The following CDH4 variants were observed in gnomAD, a reference collection of about 807,000 sequenced individuals.
CDH4 encodes the protein cadherin-4.
Under a neutral mutation model 86.0 loss-of-function variants are expected in CDH4, and 33 were observed. The observed-to-expected ratio is 0.38, with a 90% CI of 0.29 to 0.51. The LOEUF is 0.51. Among genes scored for constraint, CDH4 ranks in the 20% least tolerant of loss-of-function variants. CDH4 has a pLI of 0.86. For missense variants in CDH4, 1,114 were observed against 1,307.4 expected (o/e 0.85, Z 2.28); for synonymous variants, 555 against 549.4 (o/e 1.01, Z -0.14).
chr20:61,505,759 T>G (rs1265026960), intron 2 of CDH4, among the ~76,000 whole-genome samples: 3 of 151,490 alleles, frequency 2.0e-5, no homozygotes, highest in African/African-American at 7.3e-5. Context: ...GAGTCTTCAC[T>G]CCCAGGACGC....
chr20:61,537,764 A>C (rs1053869157), intron 2 of CDH4, among the ~76,000 whole-genome samples: 8 of 152,208 alleles, frequency 5.3e-5, no homozygotes, highest in Admixed American at 5.2e-4. Flanking sequence ...GGGTCTTTCA[A>C]AGGAGAGCTT....
chr20:61,828,359 T>C lies in CDH4; in HGVS notation c.577-16309T>C, dbSNP rs1313492919. On this transcript the variant is annotated intron_variant, in intron 4 of 15. Transcript: ENST00000614565. The stretch of plus-strand genomic sequence containing the variant: ...ACCTGGCCTCTGGATCTTACCACCA[T>C]GTGTAGGATACAAAAGAGAGGGAGA... Among the ~76,000 whole-genome samples, 4 of 152,154 alleles carry C rather than the reference T, an allele frequency of 2.6e-5. No individual in the cohort carries two copies. The East Asian group carries it at 7.7e-4, about 29-fold the overall frequency.
chr20:61,656,857 G>C (rs1273641858), intron 2 of CDH4, among the ~76,000 whole-genome samples: 1 of 152,206 alleles, frequency 6.6e-6, no homozygotes, highest in Non-Finnish European at 1.5e-5. Context: ...CCAGGTCTTA[G>C]GCTGTGTGCA....
At position 61,933,029 on chromosome 20, in the gene CDH4, G is replaced by A. The variant is rs1365879831; in HGVS notation, c.2284G>A (p.Glu762Lys). The change falls in exon 14 of 16, where the codon GAG becomes AAG. Residue 762 changes from glutamate (E) to lysine (K), a missense_variant. This residue lies in a region of CDH4 where 705 missense variants were observed against 914.1 expected (regional missense o/e 0.77). Transcript: ENST00000614565. ...FVMWMKRREK[E>K]RHTKQLLIDP... Reference sequence around the variant, plus strand: ...CATGTGGATGAAGCGGCGAGAGAAGGAGCGCCACACGAAGCAGCTGCTCAT... The same window carrying A: ...CATGTGGATGAAGCGGCGAGAGAAGAAGCGCCACACGAAGCAGCTGCTCAT... 2.5e-6 allele frequency: 4 copies of A among 1,613,314 alleles called. No homozygotes were observed. Among genetic ancestry groups the A allele is most frequent in the Non-Finnish European group, 3.4e-6 (4 of 1,180,018 alleles).
At chr20:61,288,843 C>T (rs924008225) in intron 2 of CDH4, among the ~76,000 whole-genome samples, 16 of 152,180 alleles carry the variant, frequency 1.1e-4, no homozygotes, top group African/African-American at 3.9e-4. Flanking sequence ...TTGGGAGGTT[C>T]AAGGGTATTC....
chr20:61,930,812 T>TG (rs2055098027), intron 13 of CDH4, among the ~76,000 whole-genome samples: 1 of 152,202 alleles, frequency 6.6e-6, no homozygotes, highest in Non-Finnish European at 1.5e-5. Context: ...CCACAGAGGT[T>TG]GGGAGGTGTC....
intron 2 of CDH4, among the ~76,000 whole-genome samples, chr20:61,448,912 T>C (rs2085366057): frequency 6.6e-6 from 1 of 152,222 alleles, no homozygotes; most frequent in Non-Finnish European, 1.5e-5. Flanking sequence ...CGAAAAGCCC[T>C]GGCATATTTA....
At chr20:61,655,851 G>A (rs78784729) in intron 2 of CDH4, among the ~76,000 whole-genome samples, 4,854 of 152,336 alleles carry the variant, frequency 0.032, 105 homozygotes, top group Non-Finnish European at 0.049. Flanking sequence ...GTCGGTGAAC[G>A]GCACAGCCCA....
intron 2 of CDH4, among the ~76,000 whole-genome samples, chr20:61,706,067 C>T (rs73150349): frequency 0.012 from 1,794 of 152,322 alleles, 15 homozygotes; most frequent in South Asian, 0.034. Flanking sequence ...CAAGCCGTCC[C>T]ACCCCATTGT....
chr20:61,696,578 C>T (rs1031303932), intron 2 of CDH4, among the ~76,000 whole-genome samples: 1 of 152,188 alleles, frequency 6.6e-6, no homozygotes, highest in Non-Finnish European at 1.5e-5. Context: ...CCCAGCAGGC[C>T]AGTGCCTGGG....
At chr20:61,531,595 A>G (rs1175026908) in intron 2 of CDH4, among the ~76,000 whole-genome samples, 18 of 152,232 alleles carry the variant, frequency 1.2e-4, no homozygotes. Flanking sequence ...TGTTGTAAAA[A>G]GCTTTGCTAA....
chr20:61,282,600 C>T (rs1477847228), intron 2 of CDH4, among the ~76,000 whole-genome samples: 2 of 151,448 alleles, frequency 1.3e-5, no homozygotes, highest in Non-Finnish European at 2.9e-5. Flanking sequence ...TACCTGCACA[C>T]ACAACTGGAT....
intron 8 of CDH4, among the ~76,000 whole-genome samples, chr20:61,907,795 C>T (rs2054807208): frequency 6.6e-6 from 1 of 152,216 alleles, no homozygotes; most frequent in African/African-American, 2.4e-5. Context: ...CCACACTAGA[C>T]ATCGGGAGTG....
At chr20:61,837,888 C>T (rs1251315668) in intron 4 of CDH4, among the ~76,000 whole-genome samples, 1 of 152,138 alleles carries the variant, frequency 6.6e-6, no homozygotes, top group East Asian at 1.9e-4. Flanking sequence ...GCTGGGTCGG[C>T]CACATCTCCC....
At chr20:61,852,002 G>A (rs1982745989) in intron 5 of CDH4, among the ~76,000 whole-genome samples, 1 of 152,188 alleles carries the variant, frequency 6.6e-6, no homozygotes, top group South Asian at 2.1e-4. Context: ...GAACTTAAGG[G>A]GTGACTCTGA....
At chr20:61,627,558 T>C (rs767270710) in intron 2 of CDH4, among the ~76,000 whole-genome samples, 5 of 152,154 alleles carry the variant, frequency 3.3e-5, no homozygotes, top group Non-Finnish European at 7.4e-5. Context: ...TGTGCCCGCA[T>C]GGAGAGCTCT....
intron 2 of CDH4, among the ~76,000 whole-genome samples, chr20:61,597,969 T>C (rs78102748): frequency 0.036 from 5,543 of 152,298 alleles, 262 homozygotes; most frequent in African/African-American, 0.11. Flanking sequence ...TTTAAACACT[T>C]ATTCATTTTG....
At chr20:61,836,064 C>T (rs149065886) in intron 4 of CDH4, among the ~76,000 whole-genome samples, 36 of 152,356 alleles carry the variant, frequency 2.4e-4, no homozygotes, top group African/African-American at 7.2e-4. Flanking sequence ...GGAAGGGCTC[C>T]ATCTGTGTTT....
chr20:61,725,016 G>C (rs2088093448), intron 2 of CDH4, among the ~76,000 whole-genome samples: 1 of 152,184 alleles, frequency 6.6e-6, no homozygotes, highest in African/African-American at 2.4e-5. Flanking sequence ...GGAGGCTGAG[G>C]CAGGAGAGTC....
Sources: allele counts gnomAD v4.1 joint callset (sites outside exome capture counted in the v4.1 genomes callset), GRCh38; gene constraint gnomAD v4.1.1; regional missense constraint gnomAD v4.1.1; transcripts MANE v1.5; gene names NCBI Gene and HGNC (gene_info 2026-07-23, HGNC 2026-07-21).